Variants in HSF2 observed in about 807,000 individuals in gnomAD.
The protein encoded by HSF2 is heat shock transcription factor 2, also known as heat shock factor protein 2.
HSF2 carries 21 observed loss-of-function variants against 65.0 expected under a neutral mutation model. That is an observed-to-expected ratio of 0.32 (90% CI 0.23 to 0.47). The LOEUF is 0.47. Among genes scored for constraint, HSF2 ranks in the 20% least tolerant of loss-of-function variants. HSF2 has a pLI of 1.00. For missense variants in HSF2, 499 were observed against 628.1 expected, an observed-to-expected ratio of 0.79 and a Z score of 2.20; for synonymous variants, 225 against 219.1, an observed-to-expected ratio of 1.03 and a Z score of -0.24.
chr6:122,410,212 AT>A (rs1158784980), intron 1 of HSF2, among the ~76,000 whole-genome samples: 3 of 151,908 alleles, frequency 2.0e-5, no homozygotes, highest in South Asian at 2.1e-4. Context: ...TCCACAAATC[AT>A]TTTTTTAATT....
chr6:122,407,633 A>C (rs1773895579), intron 1 of HSF2, among the ~76,000 whole-genome samples: 1 of 151,202 alleles, frequency 6.6e-6, no homozygotes, highest in Non-Finnish European at 1.5e-5. Context: ...TATATTCTAC[A>C]TATTCGAGTT....
chr6:122,429,663 A>C (rs1489096578), intron 11 of HSF2, among the ~76,000 whole-genome samples: 1 of 152,118 alleles, frequency 6.6e-6, no homozygotes, highest in Non-Finnish European at 1.5e-5. Flanking sequence ...AATAGCTCTT[A>C]CTGTTGTGAG....
At chr6:122,420,073 A>C in intron 6 of HSF2, 62 bp from the exon 7 acceptor site, 1 of 1,522,406 alleles carries the variant, frequency 6.6e-7, no homozygotes, top group Non-Finnish European at 8.8e-7. Context: ...GTAAGTTAAT[A>C]GAGGGAGTTT....
chr6:122,399,951 G>T, intron 1 of HSF2, 121 bp downstream of exon 1: 1 of 767,648 alleles, frequency 1.3e-6, no homozygotes, highest in Non-Finnish European at 2.2e-6. Context: ...CGCGGTGCGG[G>T]GCCTTGGCGT....
chr6:122,422,645 T>G, intron 8 of HSF2, 73 bp from the exon 9 acceptor site: 5 of 1,499,788 alleles, frequency 3.3e-6, no homozygotes, highest in Non-Finnish European at 4.6e-6. Flanking sequence ...GAGTTTCCAT[T>G]TAGAATGAAT....
intron 5 of HSF2, among the ~76,000 whole-genome samples, chr6:122,418,459 C>G (rs1424516536): frequency 6.6e-6 from 1 of 152,132 alleles, no homozygotes; most frequent in African/African-American, 2.4e-5. Context: ...TTAAGAAACA[C>G]TACTATAAGA....
chr6:122,401,558 C>T (rs1477222688), intron 1 of HSF2, among the ~76,000 whole-genome samples: 1 of 152,148 alleles, frequency 6.6e-6, no homozygotes, highest in East Asian at 1.9e-4. Flanking sequence ...TGGAGAGTTT[C>T]GTACTGATCC....
chr6:122,428,412 A>G (rs9401539), intron 11 of HSF2, among the ~76,000 whole-genome samples: 18,948 of 151,886 alleles, frequency 0.12, 1,323 homozygotes, highest in East Asian at 0.21. Context: ...GTTGAAACGT[A>G]TGAATATTTG....
At position 122,432,069 on chromosome 6, in the gene HSF2, T is replaced by G. The variant is rs1378572260; in HGVS notation, c.1460T>G (p.Leu487Arg). The change falls in exon 13 of 13, where the codon CTG becomes CGG. Residue 487 changes from leucine (L) to arginine (R), a missense_variant. By Grantham distance (102) the Leu-to-Arg change is moderately radical (BLOSUM62 -2). This residue lies in a region of HSF2 where 349 missense variants were observed against 393.5 expected (regional missense o/e 0.89). Transcript: ENST00000368455. ...AAACCCATAGAAGTTGATGAGCTTC[T>G]GGATAGCAGCCTAGACCCAGAACCA... ...VDKPIEVDEL[L>R]DSSLDPEPTQ... 1 of 1,614,052 alleles carries G rather than the reference T, an allele frequency of 6.2e-7. No individual in the cohort carries two copies. The highest frequency in any genetic ancestry group is 1.3e-5 in the African/African-American group (1 of 74,940).
chr6:122,399,668 T>TGCCGTAGCTGTC lies in HSF2; in HGVS notation c.-60_-59insTCGCCGTAGCTG, dbSNP rs1773666064. 7.3e-6 allele frequency: 9 copies of TGCCGTAGCTGTC among 1,238,814 alleles called. No individual in the cohort carries two copies. The highest frequency in any genetic ancestry group is 1.1e-5 in the Non-Finnish European group (9 of 854,958). 76.7% of individuals were successfully genotyped at this position (1,238,814 alleles called of 1,614,324 possible). A position where few individuals can be genotyped will look rare whatever the true frequency, so the allele number is the denominator to read the frequency against. On this transcript the variant is annotated 5_prime_UTR_variant, in exon 1 of 13. Transcript: ENST00000368455. ...GTTGTGGGCGTTCTCGGGGAGCTGC[T>TGCCGTAGCTGTC]GCCGTAGCTGCCGCCGCCGCTACCA...
At chr6:122,420,050 T>G in intron 6 of HSF2, 85 bp from the exon 7 acceptor site, 1 of 1,330,992 alleles carries the variant, frequency 7.5e-7, no homozygotes, top group Non-Finnish European at 1.0e-6. Flanking sequence ...AGTGTGCATG[T>G]GTGTGTGTTT....
intron 1 of HSF2, among the ~76,000 whole-genome samples, chr6:122,405,990 A>T (rs1437260529): frequency 6.6e-6 from 1 of 152,158 alleles, no homozygotes; most frequent in Non-Finnish European, 1.5e-5. Flanking sequence ...CATTAATATC[A>T]AGAGCTAGGC....
Position 122,413,391 on chromosome 6 carries a change from A to G in HSF2, c.331-134A>G, listed in dbSNP as rs939250512. 9.5e-6 allele frequency: 6 copies of G among 628,332 alleles called. No individual in the cohort carries two copies. The East Asian group carries it at 1.7e-4, about 18-fold the overall frequency. 38.9% of individuals were successfully genotyped at this position (628,332 alleles called of 1,614,324 possible). A position where few individuals can be genotyped will look rare whatever the true frequency, so the allele number is the denominator to read the frequency against. ...CTCTGAAGTTTATTCTTTCCCTAGCATTTCATCCCGGGCTTTTGGAACCAG... is the reference window on the plus strand; with the variant it reads ...CTCTGAAGTTTATTCTTTCCCTAGCGTTTCATCCCGGGCTTTTGGAACCAG... On this transcript the variant is annotated intron_variant, in intron 3 of 12. Transcript: ENST00000368455.
intron 1 of HSF2, 125 bp from the exon 2 acceptor site, chr6:122,412,248 T>C (rs929056529): frequency 1.6e-5 from 10 of 607,184 alleles, no homozygotes; most frequent in African/African-American, 1.1e-4. Context: ...AAGAATAGAA[T>C]GTTGGTCTGA....
At chr6:122,427,473 T>C (rs1219463606) in intron 10 of HSF2, among the ~76,000 whole-genome samples, 2 of 152,032 alleles carry the variant, frequency 1.3e-5, no homozygotes, top group African/African-American at 4.8e-5. Context: ...GCCACTGTCA[T>C]AGAGCAGATT....
chr6:122,413,219 G>T (rs987302578), intron 3 of HSF2, among the ~76,000 whole-genome samples: 1 of 152,036 alleles, frequency 6.6e-6, no homozygotes, highest in Non-Finnish European at 1.5e-5. Context: ...GTGGAATGTG[G>T]TAATAAAGAG....
intron 1 of HSF2, among the ~76,000 whole-genome samples, chr6:122,409,039 G>A (rs1005682524): frequency 5.3e-5 from 8 of 151,822 alleles, no homozygotes; most frequent in Non-Finnish European, 1.2e-4. Context: ...AGATGATCAG[G>A]GACAGAGCTG....
intron 5 of HSF2, among the ~76,000 whole-genome samples, chr6:122,417,846 A>G (rs1562202550): frequency 6.6e-6 from 1 of 152,332 alleles, no homozygotes; most frequent in South Asian, 2.1e-4. Flanking sequence ...ATTGTATCAT[A>G]GATATCTTTA....
rs910164676 is a variant in HSF2 at position 122,423,494 on chromosome 6, T to C, written c.1071-87T>C. 49 of 581,862 alleles carry C rather than the reference T, an allele frequency of 8.4e-5. No individual in the cohort carries two copies. In the East Asian group the frequency reaches 1.2e-3, roughly 14 times the overall value. 36.0% of individuals were successfully genotyped at this position (581,862 alleles called of 1,614,324 possible). On this transcript the variant is annotated intron_variant, in intron 9 of 12. Transcript: ENST00000368455. ...AAGGATGCAGCAGCTGCTAGAAATA[T>C]CTTGCCTAGCCAAGTTGTAATGGTG... is the stretch of plus-strand genomic sequence containing the variant.
Sources: gnomAD v4.1 joint callset for allele counts (sites outside exome capture counted in the v4.1 genomes callset) on GRCh38, gnomAD v4.1.1 for gene constraint, gnomAD v4.1.1 regional missense constraint, MANE v1.5 for transcripts, NCBI Gene and HGNC (gene_info 2026-07-23, HGNC 2026-07-21) for gene names.